GABRA2: variants seen among roughly 807,000 people sequenced by gnomAD.
The protein encoded by GABRA2 is gamma-aminobutyric acid type A receptor subunit alpha2.
A neutral mutation model predicts 48.7 loss-of-function variants in GABRA2; 16 were observed. The observed-to-expected ratio is 0.33, with a 90% CI of 0.22 to 0.50. GABRA2 has a LOEUF of 0.50. Among genes scored for constraint, GABRA2 ranks in the 20% least tolerant of loss-of-function variants. The pLI is 0.98. For missense variants in GABRA2, 275 were observed against 535.6 expected, an observed-to-expected ratio of 0.51 and a Z score of 4.80; for synonymous variants, 185 against 184.5, an observed-to-expected ratio of 1.00 and a Z score of -0.02.
At chr4:46,277,963 A>T (rs943521186) in intron 8 of GABRA2, among the ~76,000 whole-genome samples, 2 of 152,234 alleles carry the variant, frequency 1.3e-5, no homozygotes, top group Non-Finnish European at 2.9e-5. Flanking sequence ...TATGTAATCT[A>T]TATCTACTTA....
At chr4:46,376,430 T>C (rs1459082209) in intron 3 of GABRA2, among the ~76,000 whole-genome samples, 3 of 151,944 alleles carry the variant, frequency 2.0e-5, no homozygotes, top group Non-Finnish European at 2.9e-5. Context: ...AGGGAAAAAA[T>C]ACAGTGAGTG....
chr4:46,262,742 A>G (rs1243694359), intron 8 of GABRA2, among the ~76,000 whole-genome samples: 1 of 152,028 alleles, frequency 6.6e-6, no homozygotes, highest in Admixed American at 6.6e-5. Context: ...TATTAAAAAT[A>G]CAAAAATTAG....
At chr4:46,325,705 T>TG (rs2109775141) in intron 4 of GABRA2, among the ~76,000 whole-genome samples, 1 of 152,128 alleles carries the variant, frequency 6.6e-6, no homozygotes, top group African/African-American at 2.4e-5. Flanking sequence ...TCTTATAGGT[T>TG]GGGGTCTCAC....
At chr4:46,379,560 A>T (rs1716474637) in intron 3 of GABRA2, among the ~76,000 whole-genome samples, 1 of 152,174 alleles carries the variant, frequency 6.6e-6, no homozygotes, top group African/African-American at 2.4e-5. Flanking sequence ...TAGGGAGCCT[A>T]GTGGGTGGAT....
chr4:46,298,210 T>G (rs1478021160), intron 8 of GABRA2, among the ~76,000 whole-genome samples: 1 of 152,146 alleles, frequency 6.6e-6, no homozygotes, highest in African/African-American at 2.4e-5. Flanking sequence ...TAATTGCTGT[T>G]TTTGCGTTGT....
intron 3 of GABRA2, among the ~76,000 whole-genome samples, chr4:46,337,462 C>T (rs1370421113): frequency 6.6e-6 from 1 of 151,936 alleles, no homozygotes; most frequent in Non-Finnish European, 1.5e-5. Flanking sequence ...TGATATGCCA[C>T]AATAATACGA....
At chr4:46,379,767 A>G (rs192290144) in intron 3 of GABRA2, among the ~76,000 whole-genome samples, 1 of 152,290 alleles carries the variant, frequency 6.6e-6, no homozygotes, top group East Asian at 1.9e-4. Flanking sequence ...AATGCCAAAC[A>G]TCACAGCTTT....
intron 6 of GABRA2, among the ~76,000 whole-genome samples, chr4:46,306,788 C>A (rs1157491149): frequency 6.6e-6 from 1 of 152,160 alleles, no homozygotes; most frequent in Non-Finnish European, 1.5e-5. Flanking sequence ...CAATCTATAA[C>A]TTTCCTAGCT....
chr4:46,310,803 G>A (rs532778111), intron 5 of GABRA2, among the ~76,000 whole-genome samples: 1 of 152,192 alleles, frequency 6.6e-6, no homozygotes, highest in Non-Finnish European at 1.5e-5. Flanking sequence ...ACTTTATCAA[G>A]TTTAGATTGT....
At position 46,316,974 on chromosome 4, in the gene GABRA2, T is replaced by C. The variant is rs138015956; in HGVS notation, c.256-4258A>G. Among the ~76,000 whole-genome samples, 881 of 152,036 alleles carry C rather than the reference T, an allele frequency of 5.8e-3. 12 individuals are homozygous for C. The highest frequency in any genetic ancestry group is 0.02 in the African/African-American group (834 of 41,540). On this transcript the variant is annotated intron_variant, in intron 4 of 9. Transcript: ENST00000381620. ...CCATTGGCTAAAGCAATTTACATAG[T>C]TAAATTGATGGATACTTGGTGTAGT... is the stretch of plus-strand genomic sequence containing the variant.
chr4:46,264,329 G>C (rs923480734), intron 8 of GABRA2, among the ~76,000 whole-genome samples: 1 of 151,944 alleles, frequency 6.6e-6, no homozygotes, highest in Admixed American at 6.6e-5. Context: ...TTACCTAATT[G>C]CCCTAGCTAG....
chr4:46,283,470 A>G (rs373773975), intron 8 of GABRA2, among the ~76,000 whole-genome samples: 12 of 152,306 alleles, frequency 7.9e-5, no homozygotes, highest in East Asian at 5.8e-4. Flanking sequence ...CTTATTCCAC[A>G]TGGGAAAAGA....
chr4:46,254,551 G>C (rs536351015), intron 9 of GABRA2, among the ~76,000 whole-genome samples: 1 of 151,286 alleles, frequency 6.6e-6, no homozygotes, highest in African/African-American at 2.4e-5. Context: ...TGAGAATAAG[G>C]CCAGGTATAG....
At chr4:46,389,674 G>T in intron 1 of GABRA2, 61 bp downstream of exon 1, 1 of 923,876 alleles carries the variant, frequency 1.1e-6, no homozygotes. Context: ...GATGAGGCAT[G>T]CACGCGAGGC....
At chr4:46,259,595 A>G (rs1456390148) in intron 9 of GABRA2, among the ~76,000 whole-genome samples, 1 of 151,930 alleles carries the variant, frequency 6.6e-6, no homozygotes, top group African/African-American at 2.4e-5. Flanking sequence ...TACAATATCA[A>G]TATGGAGCTG....
At chr4:46,368,902 C>T (rs1004814667) in intron 3 of GABRA2, 22 of 653,322 alleles carry the variant, frequency 3.4e-5, no homozygotes, top group Non-Finnish European at 6.2e-5. Context: ...TTATGCTCCA[C>T]TCATTCCTTT....
intron 3 of GABRA2, chr4:46,364,292 G>C (rs1357842955): frequency 6.6e-6 from 1 of 152,216 alleles, no homozygotes; most frequent in Non-Finnish European, 1.5e-5. Flanking sequence ...GATGGTAGGT[G>C]TAAAGTACAC....
At chr4:46,366,664 T>G (rs1347955021) in intron 3 of GABRA2, 1 of 152,102 alleles carries the variant, frequency 6.6e-6, no homozygotes, top group African/African-American at 2.4e-5. Context: ...TAATGAGTAT[T>G]AAATGATATG....
chr4:46,309,666 C>G (rs1264583015), intron 6 of GABRA2, among the ~76,000 whole-genome samples: 1 of 151,774 alleles, frequency 6.6e-6, no homozygotes, highest in Admixed American at 6.6e-5. Flanking sequence ...ATAGAAGGTG[C>G]CAGAATGTAG....
Sources: gnomAD v4.1 joint callset for allele counts (sites outside exome capture counted in the v4.1 genomes callset) on GRCh38, gnomAD v4.1.1 for gene constraint, MANE v1.5 for transcripts, NCBI Gene and HGNC (gene_info 2026-07-23, HGNC 2026-07-21) for gene names.